PDE4D: variants seen among roughly 807,000 people sequenced by gnomAD.
The protein encoded by PDE4D is 3',5'-cyclic-AMP phosphodiesterase 4D.
In PDE4D, 24 loss-of-function variants were observed where a neutral mutation model predicts 87.4. That is an observed-to-expected ratio of 0.27 (90% CI 0.20 to 0.39). PDE4D has a LOEUF of 0.39. PDE4D is among the 10% of genes least tolerant of loss of function. The probability of loss-of-function intolerance (pLI) is 1.00; values close to 1 mark genes in which losing one functional copy is unlikely to be tolerated. For missense variants in PDE4D, 714 were observed against 1,041.0 expected (o/e 0.69, Z 4.32); for synonymous variants, 384 against 383.2 (o/e 1.00, Z -0.02).
At chr5:59,819,507 C>G (rs560310482) in intron 1 of PDE4D, among the ~76,000 whole-genome samples, 1 of 152,264 alleles carries the variant, frequency 6.6e-6, no homozygotes, top group Non-Finnish European at 1.5e-5. Flanking sequence ...CTCATAAATG[C>G]TGATGTTATT....
intron 1 of PDE4D, among the ~76,000 whole-genome samples, chr5:59,229,180 C>T (rs1330502287): frequency 2.0e-5 from 3 of 152,032 alleles, no homozygotes; most frequent in African/African-American, 4.8e-5. Context: ...GTTAATGTGT[C>T]CCCCAGCAGG....
chr5:60,052,488 C>T (rs1438042886), intron 2 of PDE4D, among the ~76,000 whole-genome samples: 1 of 151,988 alleles, frequency 6.6e-6, no homozygotes, highest in African/African-American at 2.4e-5. Context: ...AAATTCAACA[C>T]CCCTTCATGC....
At chr5:60,051,888 T>C (rs1218759281) in intron 2 of PDE4D, among the ~76,000 whole-genome samples, 1 of 152,122 alleles carries the variant, frequency 6.6e-6, no homozygotes, top group African/African-American at 2.4e-5. Flanking sequence ...AAATACAAAT[T>C]ACTATCAGAG....
intron 3 of PDE4D, among the ~76,000 whole-genome samples, chr5:59,909,420 G>C (rs1003348069): frequency 7.9e-5 from 12 of 151,752 alleles, no homozygotes; most frequent in African/African-American, 2.9e-4. Context: ...TGAGACAAAG[G>C]GGTCTTGCTC....
chr5:59,748,019 C>A (rs1208705294), intron 1 of PDE4D, among the ~76,000 whole-genome samples: 2 of 152,142 alleles, frequency 1.3e-5, no homozygotes, highest in Non-Finnish European at 2.9e-5. Context: ...AACAAAACTC[C>A]AAGAGTTAAC....
intron 1 of PDE4D, among the ~76,000 whole-genome samples, chr5:60,196,517 G>A (rs1741234215): frequency 1.3e-5 from 2 of 151,762 alleles, no homozygotes; most frequent in Middle Eastern, 3.4e-3. Context: ...CTTCCTGCCT[G>A]GGCAGTGGGA....
chr5:59,157,074 C>A, intron 5 of PDE4D: 2 of 373,730 alleles, frequency 5.4e-6, no homozygotes. Context: ...TAAGGTCAAG[C>A]AAAGACTTCT....
intron 1 of PDE4D, among the ~76,000 whole-genome samples, chr5:59,536,837 G>A (rs1434591193): frequency 6.6e-6 from 1 of 152,068 alleles, no homozygotes; most frequent in African/African-American, 2.4e-5. Flanking sequence ...TAAATACAAT[G>A]TTTACCACCA....
chr5:59,429,016 A>G (rs1402151692), intron 1 of PDE4D, among the ~76,000 whole-genome samples: 1 of 152,204 alleles, frequency 6.6e-6, no homozygotes, highest in Non-Finnish European at 1.5e-5. Flanking sequence ...CTAAATAGGT[A>G]TATGTCTGAA....
At chr5:59,275,996 C>T in intron 1 of PDE4D, 1 of 985,168 alleles carries the variant, frequency 1.0e-6, no homozygotes, top group Non-Finnish European at 1.2e-6. Context: ...CTGTGTGTCC[C>T]TGCTTAGAAT....
chr5:59,353,709 G>C (rs571256740), intron 1 of PDE4D, among the ~76,000 whole-genome samples: 2 of 151,304 alleles, frequency 1.3e-5, no homozygotes, highest in East Asian at 3.9e-4. Flanking sequence ...CTCCTTCCAC[G>C]GCCCTGCTCC....
At chr5:59,175,311 T>A (rs1783643200) in intron 5 of PDE4D, among the ~76,000 whole-genome samples, 1 of 152,154 alleles carries the variant, frequency 6.6e-6, no homozygotes, top group Non-Finnish European at 1.5e-5. Flanking sequence ...AAATGAAATG[T>A]ACCAAAGAAG....
chr5:59,759,046 A>G (rs1761642236), intron 1 of PDE4D, among the ~76,000 whole-genome samples: 1 of 152,146 alleles, frequency 6.6e-6, no homozygotes, highest in Admixed American at 6.5e-5. Context: ...ATGATTTTTT[A>G]AAAAGCAAAA....
intron 1 of PDE4D, among the ~76,000 whole-genome samples, chr5:60,387,262 G>A (rs1762252867): frequency 6.6e-6 from 1 of 152,224 alleles, no homozygotes; most frequent in Non-Finnish European, 1.5e-5. Flanking sequence ...ACTGCAGGCA[G>A]CCAAGGAGTT....
intron 1 of PDE4D, among the ~76,000 whole-genome samples, chr5:60,365,971 G>C (rs1430919136): frequency 6.6e-6 from 1 of 151,040 alleles, no homozygotes; most frequent in Non-Finnish European, 1.5e-5. Context: ...TTTAACCCAG[G>C]AGGCAGAGGT....
chr5:60,091,557 C>A (rs1775111542), intron 2 of PDE4D, among the ~76,000 whole-genome samples: 2 of 151,898 alleles, frequency 1.3e-5, no homozygotes, highest in African/African-American at 4.8e-5. Flanking sequence ...TAGTACAGCT[C>A]CTGTGAAAAA....
intron 1 of PDE4D, among the ~76,000 whole-genome samples, chr5:60,348,991 T>G (rs1758965262): frequency 6.6e-6 from 1 of 152,150 alleles, no homozygotes; most frequent in South Asian, 2.1e-4. Flanking sequence ...AAGGAATCAC[T>G]TTTCCAAGCT....
In PDE4D at chr5:59,282,111, C is replaced by T. The variant is rs532535897; in HGVS notation, c.456-66143G>A. On this transcript the variant is annotated intron_variant, in intron 1 of 14. Transcript: ENST00000340635. ...ATATACAAATGTTATCAGTGCTTAC[C>T]CAGTCTGGTCACATTATAACTTTAG... Among the ~76,000 whole-genome samples the T allele has an allele frequency of 2.0e-5, 3 of 152,022 alleles. No individual in the cohort carries two copies. In the East Asian group the frequency reaches 5.8e-4, roughly 29 times the overall value.
chr5:59,876,895 A>G (rs574920159), intron 1 of PDE4D, among the ~76,000 whole-genome samples: 2 of 152,324 alleles, frequency 1.3e-5, no homozygotes, highest in South Asian at 4.2e-4. Flanking sequence ...AGGGAAAGGA[A>G]AAGGATAGGA....
Sources: allele counts gnomAD v4.1 joint callset (sites outside exome capture counted in the v4.1 genomes callset), GRCh38; gene constraint gnomAD v4.1.1; transcripts MANE v1.5; gene names NCBI Gene and HGNC (gene_info 2026-07-23, HGNC 2026-07-21).